The following CRTC1 variants were observed in gnomAD, a reference collection of about 807,000 sequenced individuals.
CRTC1 encodes CREB regulated transcription coactivator 1.
In CRTC1, 18 loss-of-function variants were observed where a neutral mutation model predicts 66.1. The observed-to-expected ratio is 0.27, with a 90% confidence interval of 0.19 to 0.40. The LOEUF (loss-of-function observed/expected upper bound fraction) is 0.40, where lower values mean the gene tolerates loss of function less well. Among genes scored for constraint, CRTC1 ranks in the 10% least tolerant of loss-of-function variants. The probability of loss-of-function intolerance (pLI) is 1.00; values close to 1 mark genes in which losing one functional copy is unlikely to be tolerated. For missense variants in CRTC1, 669 were observed against 887.9 expected (o/e 0.75, Z 3.13); for synonymous variants, 416 against 398.8 (o/e 1.04, Z -0.51).
At position 18,780,332 on chromosome 19, in the gene CRTC1, C is replaced by T. The variant is rs888452460; in HGVS notation, c.*2950C>T. 9.1e-5 allele frequency: 21 copies of T among 231,960 alleles called. No homozygotes were observed. Among genetic ancestry groups the T allele is most frequent in the Middle Eastern group, 1.2e-3 (1 of 804 alleles). The allele number at this position is 231,960 out of a possible 1,614,324, so 14.4% of individuals were successfully genotyped here. ...TCTCCCTCCTGAGAGCATGGCGTCC[C>T]CACCTTCCTGTTTCGCCGACGTCAC... On this transcript the variant is annotated 3_prime_UTR_variant, in exon 14 of 14. Coordinates refer to ENST00000321949, the MANE Select transcript of CRTC1 (RefSeq NM_015321.3).
intron 1 of CRTC1, among the ~76,000 whole-genome samples, chr19:18,707,465 G>T (rs1444868297): frequency 6.6e-6 from 1 of 152,148 alleles, no homozygotes; most frequent in African/African-American, 2.4e-5. Flanking sequence ...CTTGATGTTT[G>T]TCTTTATGTC....
chr19:18,736,125 A>AGG (rs2053991670), intron 1 of CRTC1, among the ~76,000 whole-genome samples: 1 of 152,166 alleles, frequency 6.6e-6, no homozygotes, highest in African/African-American at 2.4e-5. Flanking sequence ...TGGGAGGATG[A>AGG]AGGCTCTTGC....
Position 18,781,364 on chromosome 19 carries a change from A to C in CRTC1, c.*3982A>C. 8.7e-6 allele frequency: 2 copies of C among 229,426 alleles called. No individual in the cohort carries two copies. The highest frequency in any genetic ancestry group is 1.2e-4 in the East Asian group (2 of 16,158). The allele number at this position is 229,426 out of a possible 1,614,324, so 14.2% of individuals were successfully genotyped here. On this transcript the variant is annotated 3_prime_UTR_variant, in exon 14 of 14. Transcript: ENST00000321949. ...CATTCACCATGGACCAGGGGCCTCC[A>C]TTTCCTGGGGGCTCTTGCGGCATGT...
chr19:18,696,904 G>A (rs1466254285), intron 1 of CRTC1, among the ~76,000 whole-genome samples: 3 of 149,376 alleles, frequency 2.0e-5, no homozygotes, highest in Non-Finnish European at 3.0e-5. Flanking sequence ...AGGCTGCAGC[G>A]TGGGAACCAG....
At chr19:18,763,392 T>C (rs4808855) in intron 8 of CRTC1, among the ~76,000 whole-genome samples, 77,199 of 152,098 alleles carry the variant, frequency 0.51, 21,398 homozygotes, top group East Asian at 0.89. Flanking sequence ...TGAGCCACTG[T>C]GCCTGGCCGA....
rs190922766 is a variant in CRTC1, at chr19:18,778,365, T to C, written c.*983T>C. On this transcript the variant is annotated 3_prime_UTR_variant, in exon 14 of 14. Coordinates refer to ENST00000321949, the MANE Select transcript of CRTC1 (RefSeq NM_015321.3). ...TTAATCTTTTAAGCCAACACTTGCCTGAGAGCATGTTTTTATTTCAGAAAT... is the reference window on the plus strand; with the variant it reads ...TTAATCTTTTAAGCCAACACTTGCCCGAGAGCATGTTTTTATTTCAGAAAT... The C allele has an allele frequency of 2.3e-3, 541 of 231,060 alleles. No homozygotes were observed. The highest frequency in any genetic ancestry group is 4.5e-3 in the Admixed American group (80 of 17,736). 14.3% of individuals were successfully genotyped at this position (231,060 alleles called of 1,614,324 possible). A position where few individuals can be genotyped will look rare whatever the true frequency, so the allele number is the denominator to read the frequency against.
At chr19:18,687,634 A>G (rs2052715799) in intron 1 of CRTC1, among the ~76,000 whole-genome samples, 1 of 152,122 alleles carries the variant, frequency 6.6e-6, no homozygotes, top group African/African-American at 2.4e-5. Context: ...CAGGTGAGGC[A>G]TGATCGGGTC....
chr19:18,702,546 T>TG (rs986281052), intron 1 of CRTC1, among the ~76,000 whole-genome samples: 1 of 151,214 alleles, frequency 6.6e-6, no homozygotes, highest in Non-Finnish European at 1.5e-5. Flanking sequence ...TTTTTTTTTT[T>TG]TTTTGAGATG....
chr19:18,774,965 G>C lies in CRTC1; in HGVS notation c.1491G>C (p.Gln497His). The C allele has an allele frequency of 6.2e-7, 1 of 1,607,396 alleles. No individual in the cohort carries two copies. The highest frequency in any genetic ancestry group is 8.5e-7 in the Non-Finnish European group (1 of 1,179,962). The change falls in exon 12 of 14, where the codon CAG (glutamine) becomes CAC (histidine). Residue 497 changes from glutamine (Q) to histidine (H), a missense_variant. Around this residue, in one of 8 missense-constraint regions of CRTC1, gnomAD observed 79 missense variants for 100.1 expected, o/e 0.79. Transcript: ENST00000321949. ...ATGAGCAGCAGATGGCGGCCAGGCAGGCCAATGCTCTGTCCCACCAGGTGA... is the reference window on the plus strand; with the variant it reads ...ATGAGCAGCAGATGGCGGCCAGGCACGCCAATGCTCTGTCCCACCAGGTGA... ...AYYEQQMAAR[Q>H]ANALSHQLEQ...
chr19:18,739,371 G>T (rs369725909), intron 1 of CRTC1, among the ~76,000 whole-genome samples: 1 of 152,214 alleles, frequency 6.6e-6, no homozygotes, highest in Admixed American at 6.5e-5. Flanking sequence ...TGGGCCAGCT[G>T]AGGAAGGGGG....
intron 3 of CRTC1, among the ~76,000 whole-genome samples, chr19:18,746,347 GC>G (rs2054236157): frequency 6.6e-6 from 1 of 152,188 alleles, no homozygotes; most frequent in South Asian, 2.1e-4. Context: ...TGCACGGAGG[GC>G]AGCCCAGCCA....
At chr19:18,767,142 CA>C (rs954771770) in intron 9 of CRTC1, among the ~76,000 whole-genome samples, 1 of 151,784 alleles carries the variant, frequency 6.6e-6, no homozygotes, top group Non-Finnish European at 1.5e-5. Context: ...AAAAACAAAA[CA>C]AAAAAACCCT....
At chr19:18,765,263 G>T in intron 8 of CRTC1, 141 bp from the exon 9 acceptor site, 2 of 1,288,078 alleles carry the variant, frequency 1.6e-6, no homozygotes, top group South Asian at 3.6e-5. Context: ...GGGTGCCCAG[G>T]TTTGGCAGTT....
chr19:18,713,546 T>TGCACCCTTAGGCATCCTCCTCGTGCCCC (rs2053438281), intron 1 of CRTC1, among the ~76,000 whole-genome samples: 6 of 150,204 alleles, frequency 4.0e-5, no homozygotes, highest in African/African-American at 7.4e-5. Context: ...GCTGAGGCCC[T>TGCACCCTTAGGCATCCTCCTCGTGCCCC]GCACCCTTAG....
intron 4 of CRTC1, among the ~76,000 whole-genome samples, chr19:18,748,493 A>G (rs530258230): frequency 1.4e-5 from 2 of 141,380 alleles, no homozygotes; most frequent in Admixed American, 1.5e-4. Flanking sequence ...TGCTGGGATT[A>G]CAGGACATGA....
chr19:18,706,787 ATTTGTC>A (rs1329541228), intron 1 of CRTC1, among the ~76,000 whole-genome samples: 2 of 152,078 alleles, frequency 1.3e-5, no homozygotes, highest in African/African-American at 4.8e-5. Context: ...CTTATTGGCC[ATTTGTC>A]TTTGGAGAAA....
intron 1 of CRTC1, among the ~76,000 whole-genome samples, chr19:18,712,983 C>T (rs1328301872): frequency 1.3e-5 from 2 of 151,722 alleles, no homozygotes; most frequent in Non-Finnish European, 2.9e-5. Context: ...GACCCCACCC[C>T]CTATCCCCAT....
intron 11 of CRTC1, 107 bp from the exon 12 acceptor site, chr19:18,774,793 G>T: frequency 2.0e-6 from 2 of 1,006,716 alleles, no homozygotes; most frequent in Admixed American, 1.8e-5. Context: ...GCCTCCTGCC[G>T]TCTGGGAGGT....
At chr19:18,706,934 A>G (rs2053280647) in intron 1 of CRTC1, among the ~76,000 whole-genome samples, 1 of 152,076 alleles carries the variant, frequency 6.6e-6, no homozygotes, top group African/African-American at 2.4e-5. Flanking sequence ...CTACATATTG[A>G]TCCCTTATCA....
Sources: gnomAD v4.1 joint callset for allele counts (sites outside exome capture counted in the v4.1 genomes callset) on GRCh38, gnomAD v4.1.1 for gene constraint, gnomAD v4.1.1 regional missense constraint, MANE v1.5 for transcripts, NCBI Gene and HGNC (gene_info 2026-07-23, HGNC 2026-07-21) for gene names.